STAU1: variants seen among roughly 807,000 people sequenced by gnomAD.
STAU1 encodes staufen double-stranded RNA binding protein 1.
In STAU1, 13 loss-of-function variants were observed where a neutral mutation model predicts 62.9. The ratio of observed to expected loss-of-function variants is 0.21; its 90% CI spans 0.13 to 0.33. The LOEUF (loss-of-function observed/expected upper bound fraction) is 0.33. STAU1 is among the 10% of genes least tolerant of loss of function. The probability of loss-of-function intolerance (pLI) is 1.00; values close to 1 mark genes in which losing one functional copy is unlikely to be tolerated. For synonymous variants in STAU1, 269 were observed against 265.1 expected (o/e 1.01, Z -0.14); for missense variants, 571 against 712.1 (o/e 0.80, Z 2.25).
At chr20:49,210,949 CA>C in the STAU1 span, among the ~76,000 whole-genome samples, 1 of 152,126 alleles carries the variant, frequency 6.6e-6, no homozygotes, top group Admixed American at 6.6e-5. Context: ...ATTCATTAAG[CA>C]GTTAGTCCCC....
chr20:49,179,528 C>T lies in STAU1; in HGVS notation c.-159-5259G>A, dbSNP rs576472916. Among the ~76,000 whole-genome samples the T allele has an allele frequency of 2.0e-5, 3 of 152,182 alleles. No homozygotes were observed. In the South Asian group the frequency reaches 6.2e-4, roughly 32 times the overall value. ...TGAGCAGGTTGGTTCAATTGTGCAA[C>T]AAGGAAAATAAGCTTCCAAGCATAA... On this transcript the variant is annotated intron_variant, in intron 1 of 13. Transcript: ENST00000371856.
chr20:49,136,260 G>A (rs979444590), intron 5 of STAU1, among the ~76,000 whole-genome samples: 3 of 152,144 alleles, frequency 2.0e-5, no homozygotes, highest in Non-Finnish European at 4.4e-5. Context: ...ATGATCATGC[G>A]CCACTGCACT....
the STAU1 span, among the ~76,000 whole-genome samples, chr20:49,219,017 A>G: frequency 1.4e-5 from 2 of 148,044 alleles, no homozygotes; most frequent in Non-Finnish European, 3.0e-5. Flanking sequence ...CTGCCTCAAA[A>G]AAAAAAAAAA....
intron 6 of STAU1, among the ~76,000 whole-genome samples, chr20:49,126,201 CACTT>C (rs1445982629): frequency 2.0e-5 from 3 of 151,350 alleles, no homozygotes; most frequent in Non-Finnish European, 4.4e-5. Flanking sequence ...AAAAAAGTCA[CACTT>C]AATCAAACTT....
At chr20:49,125,211 A>AAAAAAAAAAAC in intron 6 of STAU1, among the ~76,000 whole-genome samples, 1 of 145,876 alleles carries the variant, frequency 6.9e-6, no homozygotes, top group East Asian at 2.0e-4. Flanking sequence ...AAAAAAAAAA[A>AAAAAAAAAAAC]AAAAAAAAAA....
At chr20:49,136,469 AC>A (rs2092886106) in intron 5 of STAU1, among the ~76,000 whole-genome samples, 2 of 152,230 alleles carry the variant, frequency 1.3e-5, no homozygotes, top group African/African-American at 4.8e-5. Flanking sequence ...TCATAAGTTC[AC>A]CAAAAACAAT....
At position 49,134,837 on chromosome 20, in the gene STAU1, C is replaced by T; in HGVS notation, c.609+996G>A. The T allele has an allele frequency of 4.6e-6, 7 of 1,521,708 alleles. 1 individual carries two copies. The South Asian group carries it at 7.8e-5, about 17-fold the overall frequency. The allele number at this position is 1,521,708 out of a possible 1,614,324, so 94.3% of individuals were successfully genotyped here. A position where few individuals can be genotyped will look rare whatever the true frequency, so the allele number is the denominator to read the frequency against. ...TCCACTTCACGCAATTTATACCAAA[C>T]CTGCAAACAAACAGGAAGATGAAGT... On this transcript the variant is annotated intron_variant, in intron 6 of 13. Coordinates refer to ENST00000371856, the MANE Select transcript of STAU1 (RefSeq NM_017453.4).
chr20:49,115,969 A>G, intron 12 of STAU1, 102 bp from the exon 13 acceptor site: 1 of 875,174 alleles, frequency 1.1e-6, no homozygotes, highest in Non-Finnish European at 1.8e-6. Context: ...CCCAGCAAAC[A>G]GGTGGCAACT....
At chr20:49,195,903 A>AAAAAAAAAAAAAAAAAAAAAG in the STAU1 span, among the ~76,000 whole-genome samples, 34 of 94,374 alleles carry the variant, frequency 3.6e-4, no homozygotes, top group Non-Finnish European at 5.8e-4. Context: ...CCTCTCAAAA[A>AAAAAAAAAAAAAAAAAAAAAG]AAAAAAAAAA....
chr20:49,158,641 C>T, intron 3 of STAU1: 1 of 608,658 alleles, frequency 1.6e-6, no homozygotes, highest in South Asian at 1.8e-5. Context: ...GAAACCCCAT[C>T]TCTACTAAAA....
chr20:49,131,483 T>C lies in STAU1; in HGVS notation c.609+4350A>G, dbSNP rs1160659983. ...ATATTAGGAGTTAAAGGGTATGATA[T>C]CTACCACTTTCTGTCAAATAATCCA... On this transcript the variant is annotated intron_variant, in intron 6 of 13. Transcript: ENST00000371856. Among the ~76,000 whole-genome samples, 3 of 152,182 alleles carry C rather than the reference T, an allele frequency of 2.0e-5. No individual in the cohort carries two copies. The East Asian group carries it at 5.8e-4, about 29-fold the overall frequency.
At chr20:49,219,239 A>C in the STAU1 span, 2 of 1,109,328 alleles carry the variant, frequency 1.8e-6, no homozygotes, top group African/African-American at 1.6e-5. Flanking sequence ...TGCTTACCTA[A>C]AAAGCTCCGC....
At chr20:49,182,554 G>A (rs1297300370) in intron 1 of STAU1, among the ~76,000 whole-genome samples, 1 of 152,144 alleles carries the variant, frequency 6.6e-6, no homozygotes, top group Non-Finnish European at 1.5e-5. Context: ...AGAGCAGAAG[G>A]TATGCCGGGC....
At chr20:49,123,277 C>A (rs2295714) in intron 7 of STAU1, 42 bp from the exon 8 acceptor site, 2 of 1,613,454 alleles carry the variant, frequency 1.2e-6, no homozygotes, top group African/African-American at 2.7e-5. Context: ...TGTTATTCAC[C>A]GCATGAACTT....
At chr20:49,135,738 G>T in intron 6 of STAU1, 95 bp downstream of exon 6, 1 of 891,668 alleles carries the variant, frequency 1.1e-6, no homozygotes, top group Non-Finnish European at 1.7e-6. Context: ...ATTATGTGAA[G>T]ATTATTCCAA....
chr20:49,173,745 G>C (rs1005719634), intron 2 of STAU1, among the ~76,000 whole-genome samples: 34 of 152,250 alleles, frequency 2.2e-4, no homozygotes, highest in African/African-American at 8.2e-4. Context: ...TTTTTTATCT[G>C]AATGTTCACA....
At chr20:49,216,149 A>G in the STAU1 span, among the ~76,000 whole-genome samples, 1 of 151,530 alleles carries the variant, frequency 6.6e-6, no homozygotes, top group Non-Finnish European at 1.5e-5. Context: ...CAGCTATGCA[A>G]GAGGCTGAGG....
In STAU1 at chr20:49,153,929, A is replaced by C; in HGVS notation, c.344+4T>G. The C allele has an allele frequency of 6.4e-7, 1 of 1,563,372 alleles. No homozygotes were observed. The highest frequency in any genetic ancestry group is 8.6e-7 in the Non-Finnish European group (1 of 1,164,832). ...TACAAAAAAAAAAAAAAAAAAACAC[A>C]TACCTCGGGGGATAAGCACCTCCTC... On this transcript the variant is annotated splice_donor_region_variant and intron_variant, in intron 4 of 13. Transcript: ENST00000371856.
intron 5 of STAU1, among the ~76,000 whole-genome samples, chr20:49,146,041 G>T (rs2093124186): frequency 6.6e-6 from 1 of 152,202 alleles, no homozygotes; most frequent in Admixed American, 6.5e-5. Flanking sequence ...GCCGAGGCAG[G>T]TGGTGGTCAC....
Sources: allele counts gnomAD v4.1 joint callset (sites outside exome capture counted in the v4.1 genomes callset), GRCh38; gene constraint gnomAD v4.1.1; transcripts MANE v1.5; gene names NCBI Gene and HGNC (gene_info 2026-07-23, HGNC 2026-07-21).